Variants in DPPA2 observed in about 807,000 individuals in gnomAD.
DPPA2 encodes the protein developmental pluripotency-associated protein 2.
A neutral mutation model predicts 36.2 loss-of-function variants in DPPA2; 26 were observed. The observed-to-expected ratio is 0.72, with a 90% CI of 0.53 to 1.00. DPPA2 has a LOEUF of 1.00. Among genes scored for constraint, DPPA2 ranks in the 50% least tolerant of loss-of-function variants. The pLI, the probability that DPPA2 is intolerant of heterozygous loss-of-function variation, is 0.00. For synonymous variants in DPPA2, 113 were observed against 123.2 expected, an observed-to-expected ratio of 0.92 and a Z score of 0.55; for missense variants, 361 against 365.1, an observed-to-expected ratio of 0.99 and a Z score of 0.09.
At chr3:109,309,960 G>A (rs1174847012) in intron 3 of DPPA2, among the ~76,000 whole-genome samples, 1 of 151,748 alleles carries the variant, frequency 6.6e-6, no homozygotes, top group Non-Finnish European at 1.5e-5. Context: ...CAGGCATGGT[G>A]GCTCATGCCT....
chr3:109,296,476 A>C (rs1286078679), intron 8 of DPPA2, among the ~76,000 whole-genome samples: 3 of 152,206 alleles, frequency 2.0e-5, no homozygotes, highest in African/African-American at 7.2e-5. Flanking sequence ...GAAGTTTGAG[A>C]CCAGCCTGAC....
At chr3:109,303,501 C>G (rs1195762969) in intron 7 of DPPA2, among the ~76,000 whole-genome samples, 3 of 151,914 alleles carry the variant, frequency 2.0e-5, no homozygotes. Context: ...TCCCGAGTAG[C>G]TGGGATTACA....
At chr3:109,307,942 T>C in intron 6 of DPPA2, 90 bp downstream of exon 6, 2 of 1,455,510 alleles carry the variant, frequency 1.4e-6, no homozygotes, top group Non-Finnish European at 9.2e-7. Context: ...TTTTAGCAAA[T>C]GCCTTCCCTT....
intron 7 of DPPA2, among the ~76,000 whole-genome samples, chr3:109,302,266 A>G (rs1261424862): frequency 6.6e-6 from 1 of 152,088 alleles, no homozygotes; most frequent in East Asian, 1.9e-4. Flanking sequence ...AACACCATAG[A>G]TTCTTCTCCA....
At chr3:109,310,871 G>A (rs748025909) in intron 3 of DPPA2, among the ~76,000 whole-genome samples, 8 of 149,460 alleles carry the variant, frequency 5.4e-5, no homozygotes, top group Non-Finnish European at 7.4e-5. Context: ...GTGCGATCTC[G>A]GCTCACTGCA....
chr3:109,300,348 G>A (rs762126397), intron 8 of DPPA2, 23 bp downstream of exon 8: 2 of 1,564,742 alleles, frequency 1.3e-6, no homozygotes, highest in African/African-American at 2.7e-5. Context: ...CTTATTTTGA[G>A]GTGGCATATT....
rs1365101281 is a variant in DPPA2, at chr3:109,293,896, AGTCACTAT to A, written c.*123_*130del. The A allele has an allele frequency of 6.6e-6, 1 of 152,192 alleles. No homozygotes were observed. The highest frequency in any genetic ancestry group is 1.5e-5 in the Non-Finnish European group (1 of 68,036). The allele number at this position is 152,192 out of a possible 1,614,324, so 9.4% of individuals were successfully genotyped here. ...TCAACCATCTTCACTGTGGAGTCCTAGTCACTATGATTTTGTTTTGTAGATCATGAGGA... is the reference window on the plus strand; with the variant it reads ...TCAACCATCTTCACTGTGGAGTCCTAGATTTTGTTTTGTAGATCATGAGGA... On this transcript the variant is annotated 3_prime_UTR_variant, in exon 9 of 9. Transcript: ENST00000478945.
intron 6 of DPPA2, 78 bp downstream of exon 6, chr3:109,307,954 G>A: frequency 1.3e-6 from 2 of 1,500,910 alleles, no homozygotes; most frequent in Non-Finnish European, 1.8e-6. Context: ...CCTTCCCTTT[G>A]ACCACGTTTC....
chr3:109,298,826 A>G (rs1707406134), intron 8 of DPPA2, among the ~76,000 whole-genome samples: 1 of 151,626 alleles, frequency 6.6e-6, no homozygotes, highest in Non-Finnish European at 1.5e-5. Flanking sequence ...TCAGGAGTTC[A>G]ATGGTCTTGA....
intron 5 of DPPA2, 103 bp downstream of exon 5, chr3:109,308,923 A>G: frequency 1.4e-6 from 2 of 1,386,242 alleles, no homozygotes; most frequent in South Asian, 2.4e-5. Context: ...CAGTGAAGAA[A>G]CCCTGCCTTA....
intron 8 of DPPA2, chr3:109,295,512 C>A (rs1426580558): frequency 1.3e-5 from 2 of 151,650 alleles, no homozygotes; most frequent in Non-Finnish European, 2.9e-5. Context: ...TCTCAAAGTG[C>A]TGGGATTACA....
chr3:109,307,133 T>G (rs1489005536), intron 6 of DPPA2, among the ~76,000 whole-genome samples: 1 of 151,648 alleles, frequency 6.6e-6, no homozygotes. Context: ...CATGCCCGGC[T>G]TTTTTTCGTA....
At chr3:109,312,716 A>T in intron 2 of DPPA2, 24 bp from the exon 3 acceptor site, 1 of 1,611,258 alleles carries the variant, frequency 6.2e-7, no homozygotes. Flanking sequence ...TCAGTCACTG[A>T]TTTTCATTTG....
rs1707730149 is a variant in DPPA2, at chr3:109,312,582, A to G, written c.144T>C (p.Ser48=). 1 of 1,613,752 alleles carries G rather than the reference A, an allele frequency of 6.2e-7. No individual in the cohort carries two copies. Among genetic ancestry groups the G allele is most frequent in the Non-Finnish European group, 8.5e-7 (1 of 1,179,736 alleles). Residue 48 remains serine (S), a synonymous_variant, in exon 3 of 9, where the codon TCT becomes TCC. Coordinates refer to ENST00000478945, the MANE Select transcript of DPPA2 (RefSeq NM_138815.4). ...EQMEPSVSST[S]DVKLEKPKKY... ...TCTTAGGCTTCTCCAGTTTGACATC[A>G]GAAGTTGAAGAAACGCTTGGTTCCA...
At position 109,305,110 on chromosome 3, in the gene DPPA2, C is replaced by A. The variant is rs183349590; in HGVS notation, c.659-440G>T. 3.2e-3 allele frequency among the ~76,000 whole-genome samples: 480 copies of A among 152,114 alleles called. 1 individual carries two copies. The highest frequency in any genetic ancestry group is 0.011 in the African/African-American group (451 of 41,480). On this transcript the variant is annotated intron_variant, in intron 6 of 8. Coordinates refer to ENST00000478945, the MANE Select transcript of DPPA2 (RefSeq NM_138815.4). ...GTGGTGAGCTGAGATCACACCACTG[C>A]ACTCCAGCCTGGGTGACAAGAGCAA...
At chr3:109,299,411 G>A (rs2107302989) in intron 8 of DPPA2, among the ~76,000 whole-genome samples, 1 of 152,194 alleles carries the variant, frequency 6.6e-6, no homozygotes, top group East Asian at 1.9e-4. Flanking sequence ...TCGGGAGGCT[G>A]AAGCAGGAGA....
chr3:109,301,157 TA>T (rs568938445), intron 7 of DPPA2, among the ~76,000 whole-genome samples: 239 of 151,858 alleles, frequency 1.6e-3, no homozygotes, highest in African/African-American at 5.4e-3. Flanking sequence ...CTAATTTTTT[TA>T]TATAGAGACA....
At chr3:109,304,043 G>T (rs896472295) in intron 7 of DPPA2, among the ~76,000 whole-genome samples, 1 of 151,918 alleles carries the variant, frequency 6.6e-6, no homozygotes, top group Non-Finnish European at 1.5e-5. Flanking sequence ...AGGCCGAGGC[G>T]GGCGGATCAT....
rs746604015 is a variant in DPPA2 at position 109,308,128 on chromosome 3, A to T, written c.562T>A (p.Ser188Thr). 4 of 1,614,230 alleles carry T rather than the reference A, an allele frequency of 2.5e-6. No homozygotes were observed. Among genetic ancestry groups the T allele is most frequent in the Non-Finnish European group, 3.4e-6 (4 of 1,180,040 alleles). ...GCTCTTGCAGCAATTCTTGCCCATGATGCCAACATGGCTCCCGGTGCTGAA... is the reference window on the plus strand; with the variant it reads ...GCTCTTGCAGCAATTCTTGCCCATGTTGCCAACATGGCTCCCGGTGCTGAA... Reference protein sequence around the residue: ...ITSAPGAMLASWARIAARAVQ... With the variant: ...ITSAPGAMLATWARIAARAVQ... The change falls in exon 6 of 9, where the codon TCA becomes ACA. Residue 188 changes from serine to threonine, a missense_variant. Coordinates refer to ENST00000478945, the MANE Select transcript of DPPA2 (RefSeq NM_138815.4).
Sources: allele counts gnomAD v4.1 joint callset (sites outside exome capture counted in the v4.1 genomes callset), GRCh38; gene constraint gnomAD v4.1.1; transcripts MANE v1.5; gene names NCBI Gene and HGNC (gene_info 2026-07-23, HGNC 2026-07-21).